GNB4: variants seen among roughly 807,000 people sequenced by gnomAD.
GNB4 encodes the protein guanine nucleotide-binding protein subunit beta-4.
GNB4 carries 28 observed loss-of-function variants against 45.2 expected under a neutral mutation model. The observed-to-expected ratio is 0.62, with a 90% CI of 0.46 to 0.85. The LOEUF (loss-of-function observed/expected upper bound fraction) is 0.85. GNB4 is among the 40% of genes least tolerant of loss of function. The pLI is 0.00. For missense variants in GNB4, 321 were observed against 425.4 expected, an observed-to-expected ratio of 0.75 and a Z score of 2.16; for synonymous variants, 132 against 143.7, an observed-to-expected ratio of 0.92 and a Z score of 0.58.
the GNB4 span, chr3:179,465,104 G>A: frequency 7.1e-7 from 1 of 1,417,200 alleles, no homozygotes; most frequent in South Asian, 1.1e-5. Flanking sequence ...AATATCTGCT[G>A]CAGGTATTCC....
chr3:179,430,966 T>C (rs1163158266), intron 1 of GNB4, among the ~76,000 whole-genome samples: 6 of 152,234 alleles, frequency 3.9e-5, no homozygotes. Context: ...TGCTGAAGTA[T>C]TTTAAAGTCA....
At position 179,401,115 on chromosome 3, in the gene GNB4, C is replaced by A; in HGVS notation, c.*98G>T. 1.5e-6 allele frequency: 1 copy of A among 660,742 alleles called. No individual in the cohort carries two copies. The highest frequency in any genetic ancestry group is 2.3e-6 in the Non-Finnish European group (1 of 437,122). 40.9% of individuals were successfully genotyped at this position (660,742 alleles called of 1,614,324 possible). A position where few individuals can be genotyped will look rare whatever the true frequency, so the allele number is the denominator to read the frequency against. ...TTTGTAGATAATCTAATAGAAAAATCTTCACCTGCAAATATAAGGTAGAAT... is the reference window on the plus strand; with the variant it reads ...TTTGTAGATAATCTAATAGAAAAATATTCACCTGCAAATATAAGGTAGAAT... On this transcript the variant is annotated 3_prime_UTR_variant, in exon 10 of 10. Transcript: ENST00000232564.
At chr3:179,414,696 AAAAAT>A (rs1714743635) in intron 6 of GNB4, among the ~76,000 whole-genome samples, 184 bp downstream of exon 6, 1 of 151,948 alleles carries the variant, frequency 6.6e-6, no homozygotes, top group Non-Finnish European at 1.5e-5. Flanking sequence ...GCTATTTTTG[AAAAAT>A]AAAATTATGA....
chr3:179,509,944 C>T, the GNB4 span, among the ~76,000 whole-genome samples: 1 of 152,108 alleles, frequency 6.6e-6, no homozygotes, highest in Admixed American at 6.5e-5. Flanking sequence ...CCACCTCAGC[C>T]TCCCAAGTAG....
the GNB4 span, among the ~76,000 whole-genome samples, chr3:179,519,532 A>C: frequency 6.6e-6 from 1 of 152,106 alleles, no homozygotes; most frequent in African/African-American, 2.4e-5. Context: ...TAAACCTCTT[A>C]AAACTCCCCA....
At chr3:179,477,972 T>C in the GNB4 span, among the ~76,000 whole-genome samples, 4 of 152,234 alleles carry the variant, frequency 2.6e-5, no homozygotes, top group Admixed American at 2.6e-4. Context: ...TGTAACAGAA[T>C]ACCATAGACA....
chr3:179,494,156 T>C, the GNB4 span, among the ~76,000 whole-genome samples: 1 of 152,168 alleles, frequency 6.6e-6, no homozygotes, highest in Non-Finnish European at 1.5e-5. Context: ...TCCCTGGACC[T>C]GTGGCATTCT....
rs919835532 is a variant in GNB4 at position 179,397,367 on chromosome 3, T to A, written c.*3846A>T. 6.6e-6 allele frequency: 1 copy of A among 152,206 alleles called. No homozygotes were observed. The highest frequency in any genetic ancestry group is 2.4e-5 in the African/African-American group (1 of 41,450). 9.4% of individuals were successfully genotyped at this position (152,206 alleles called of 1,614,324 possible). A position where few individuals can be genotyped will look rare whatever the true frequency, so the allele number is the denominator to read the frequency against. On this transcript the variant is annotated 3_prime_UTR_variant, in exon 10 of 10. Coordinates refer to ENST00000232564, the MANE Select transcript of GNB4 (RefSeq NM_021629.4). Reference sequence around the variant, plus strand: ...TTGGCACAGCATTTTTAAGCAATAATAAAAGTTTCATTTTGTCACCTTAAG... The same window carrying A: ...TTGGCACAGCATTTTTAAGCAATAAAAAAAGTTTCATTTTGTCACCTTAAG...
At chr3:179,446,428 T>C (rs1198142334) in intron 1 of GNB4, among the ~76,000 whole-genome samples, 1 of 152,238 alleles carries the variant, frequency 6.6e-6, no homozygotes, top group East Asian at 1.9e-4. Context: ...TAAGCAGGAA[T>C]TCTTTTAAGA....
chr3:179,424,547 T>C (rs1408712837), intron 2 of GNB4, among the ~76,000 whole-genome samples: 5 of 152,208 alleles, frequency 3.3e-5, no homozygotes, highest in African/African-American at 7.2e-5. Flanking sequence ...TTCTGGTGAA[T>C]GTTCTTCATC....
At chr3:179,443,532 T>G (rs1715646709) in intron 1 of GNB4, among the ~76,000 whole-genome samples, 1 of 152,098 alleles carries the variant, frequency 6.6e-6, no homozygotes, top group Non-Finnish European at 1.5e-5. Flanking sequence ...GAGTGAGACG[T>G]CTCAAAAAAA....
chr3:179,407,476 A>G (rs1035676182), intron 8 of GNB4, among the ~76,000 whole-genome samples: 6 of 152,170 alleles, frequency 3.9e-5, no homozygotes, highest in Non-Finnish European at 8.8e-5. Flanking sequence ...AAGTAAATAA[A>G]TAAATAAGAT....
chr3:179,456,698 T>A, the GNB4 span, among the ~76,000 whole-genome samples: 4 of 152,192 alleles, frequency 2.6e-5, no homozygotes, highest in Non-Finnish European at 5.9e-5. Flanking sequence ...CCTCATACTA[T>A]CCATTTACAG....
chr3:179,419,766 C>A (rs1421980769), intron 3 of GNB4, among the ~76,000 whole-genome samples: 2 of 151,938 alleles, frequency 1.3e-5, no homozygotes, highest in Non-Finnish European at 2.9e-5. Flanking sequence ...AGACTATTAA[C>A]TAAAAAGAAT....
the GNB4 span, among the ~76,000 whole-genome samples, chr3:179,499,155 C>CTT: frequency 1.2e-4 from 13 of 111,506 alleles, no homozygotes; most frequent in Non-Finnish European, 1.4e-4. Flanking sequence ...GCCACATTTT[C>CTT]TTTTTTTTTT....
At chr3:179,432,517 C>G (rs989614846) in intron 1 of GNB4, among the ~76,000 whole-genome samples, 9 of 152,250 alleles carry the variant, frequency 5.9e-5, no homozygotes, top group African/African-American at 1.7e-4. Context: ...AACCTAAAGG[C>G]TGACTAGGGT....
chr3:179,464,992 T>TGGGGTGCATGAACGTCCCG, the GNB4 span: 12 of 1,532,488 alleles, frequency 7.8e-6, no homozygotes, highest in Non-Finnish European at 1.1e-5. Context: ...TGCACACAGA[T>TGGGGTGCATGAACGTCCCG]GGGGTGCATG....
chr3:179,513,491 T>C, the GNB4 span, among the ~76,000 whole-genome samples: 1 of 151,430 alleles, frequency 6.6e-6, no homozygotes, highest in Non-Finnish European at 1.5e-5. Context: ...GCCTACAACA[T>C]TTTTTTTTAA....
At chr3:179,519,959 C>T in the GNB4 span, among the ~76,000 whole-genome samples, 2 of 152,106 alleles carry the variant, frequency 1.3e-5, no homozygotes, top group Non-Finnish European at 2.9e-5. Context: ...TTTTGTCTGT[C>T]CAAAAACCGG....
Sources: gnomAD v4.1 joint callset for allele counts (sites outside exome capture counted in the v4.1 genomes callset) on GRCh38, gnomAD v4.1.1 for gene constraint, MANE v1.5 for transcripts, NCBI Gene and HGNC (gene_info 2026-07-23, HGNC 2026-07-21) for gene names.